Variants in CREB3L4 observed in about 807,000 individuals in gnomAD.
The protein encoded by CREB3L4 is cyclic AMP-responsive element-binding protein 3-like protein 4.
In CREB3L4, 28 loss-of-function variants were observed where a neutral mutation model predicts 37.0. That is an observed-to-expected ratio of 0.76 (90% CI 0.56 to 1.04). The LOEUF is 1.04. Among genes scored for constraint, CREB3L4 ranks in the 50% least tolerant of loss-of-function variants. The pLI is 0.00. For missense variants in CREB3L4, 462 were observed against 486.0 expected (o/e 0.95, Z 0.46); for synonymous variants, 175 against 192.2 (o/e 0.91, Z 0.74).
chr1:153,972,321 C>T lies in CREB3L4; in HGVS notation c.544-423C>T, dbSNP rs375232486. ...GCCCCAGGGAGCTCCCTGAGGTTGA[C>T]GGGCAACTGGATAACACACTCTGCT... is the stretch of plus-strand genomic sequence containing the variant. On this transcript the variant is annotated intron_variant, in intron 4 of 9. Transcript: ENST00000368607. Among the ~76,000 whole-genome samples, 24 of 152,272 alleles carry T rather than the reference C, an allele frequency of 1.6e-4. No individual in the cohort carries two copies. The East Asian group carries it at 1.9e-3, about 12-fold the overall frequency.
At position 153,968,613 on chromosome 1, in the gene CREB3L4, C is replaced by A; in HGVS notation, c.88C>A (p.Leu30Ile). ...GACAGGATCCGTCCTGGAGCTGGGACTCCACTGCCCCCCTCCAGAGGTTCC... is the reference window on the plus strand; with the variant it reads ...GACAGGATCCGTCCTGGAGCTGGGAATCCACTGCCCCCCTCCAGAGGTTCC... ...FSTGSVLELG[L>I]HCPPPEVPVT... Residue 30 changes from leucine (L) to isoleucine (I), a missense_variant, in exon 2 of 10, where the codon CTC (leucine) becomes ATC (isoleucine). Coordinates refer to ENST00000368607, the MANE Select transcript of CREB3L4 (RefSeq NM_001255978.2). 1 of 1,614,074 alleles carries A rather than the reference C, an allele frequency of 6.2e-7. No individual in the cohort carries two copies. The highest frequency in any genetic ancestry group is 8.5e-7 in the Non-Finnish European group (1 of 1,179,994).
At chr1:153,973,285 G>A (rs201350476) in intron 7 of CREB3L4, 22 bp downstream of exon 7, 3 of 1,613,522 alleles carry the variant, frequency 1.9e-6, no homozygotes, top group Admixed American at 1.7e-5. Context: ...CATTGTGTGT[G>A]TATGTGTGTT....
intron 4 of CREB3L4, among the ~76,000 whole-genome samples, chr1:153,970,032 G>A (rs946282203): frequency 4.0e-5 from 6 of 148,616 alleles, no homozygotes; most frequent in South Asian, 2.2e-4. Context: ...GGGTTCAAGC[G>A]ATTCTCCTGC....
intron 2 of CREB3L4, 107 bp from the exon 3 acceptor site, chr1:153,968,823 T>G: frequency 6.6e-7 from 1 of 1,524,204 alleles, no homozygotes; most frequent in Non-Finnish European, 8.9e-7. Context: ...AGTTGTATAA[T>G]AACTGTCTCC....
rs559783444 is a variant in CREB3L4 at position 153,972,060 on chromosome 1, T to C, written c.544-684T>C. On this transcript the variant is annotated intron_variant, in intron 4 of 9. Coordinates refer to ENST00000368607, the MANE Select transcript of CREB3L4 (RefSeq NM_001255978.2). ...CTGGTCTTGAACTTCTGACCTCAGG[T>C]GATCTGCCCACCTTGGCCTCCTAAA... 1.6e-3 allele frequency among the ~76,000 whole-genome samples: 243 copies of C among 152,296 alleles called. 1 individual carries two copies. The highest frequency in any genetic ancestry group is 2.6e-3 in the Non-Finnish European group (180 of 68,032).
In CREB3L4 at chr1:153,973,025, A is replaced by G; in HGVS notation, c.690A>G (p.Ser230=). 1.2e-6 allele frequency: 2 copies of G among 1,614,198 alleles called. No individual in the cohort carries two copies. The highest frequency in any genetic ancestry group is 1.7e-6 in the Non-Finnish European group (2 of 1,180,038). ...GGAGGAAAATCCGTAACAAGCAGTC[A>G]GCTCAGGACAGTCGGCGGCGGAAGA... ...KVRRKIRNKQ[S]AQDSRRRKKE... is the part of the protein sequence containing the mutation. Residue 230 remains serine, a synonymous_variant, in exon 6 of 10, where the codon TCA becomes TCG. Coordinates refer to ENST00000368607, the MANE Select transcript of CREB3L4 (RefSeq NM_001255978.2).
intron 4 of CREB3L4, among the ~76,000 whole-genome samples, chr1:153,970,386 T>A (rs887086751): frequency 3.3e-5 from 5 of 152,186 alleles, no homozygotes; most frequent in Non-Finnish European, 5.9e-5. Flanking sequence ...AGAGCCATTA[T>A]CTCAGCCTTG....
In CREB3L4 at chr1:153,973,213, A is replaced by G. The variant is rs754692854; in HGVS notation, c.762A>G (p.Ala254=). 1.9e-6 allele frequency: 3 copies of G among 1,614,096 alleles called. No homozygotes were observed. Among genetic ancestry groups the G allele is most frequent in the Non-Finnish European group, 2.5e-6 (3 of 1,180,020 alleles). ...GLESRVAACS[A]QNQELQKKVQ... The stretch of plus-strand genomic sequence containing the variant: ...ATTCTAGGGTGGCAGCCTGTTCTGC[A>G]CAGAACCAAGAATTACAGAAAAAAG... Residue 254 remains alanine, a synonymous_variant, in exon 7 of 10, where the codon GCA becomes GCG. Coordinates refer to ENST00000368607, the MANE Select transcript of CREB3L4 (RefSeq NM_001255978.2).
Position 153,973,925 on chromosome 1 carries a change from CA to C in CREB3L4, c.1050del (p.Val351TrpfsTer2), listed in dbSNP as rs1051443919. Reference protein sequence around the residue: ...HKDVTENLETQVVESRLREPP... With the variant: ...HKDVTENLETXVVESRLREPP... ...GGACGTAACAGAAAATCTGGAGACC[CA>C]AGTGGTAGAGTCCAGACTGAGGGAG... is the stretch of plus-strand genomic sequence containing the variant. On this transcript the variant is annotated frameshift_variant, in exon 10 of 10. Transcript: ENST00000368607. LOFTEE classifies it low-confidence loss of function (END_TRUNC). 12 of 1,614,014 alleles carry C rather than the reference CA, an allele frequency of 7.4e-6. No homozygotes were observed. Among genetic ancestry groups the C allele is most frequent in the Non-Finnish European group, 4.2e-6 (5 of 1,180,020 alleles).
chr1:153,970,458 G>A lies in CREB3L4; in HGVS notation c.543+1003G>A, dbSNP rs555278141. Among the ~76,000 whole-genome samples the A allele has an allele frequency of 2.0e-4, 31 of 152,334 alleles. 1 individual carries two copies. The South Asian group carries it at 6.4e-3, about 32-fold the overall frequency. ...TCCCAACTGGTTATAGGTACAGGAA[G>A]AAAGAAAAGCAATAGCAGCAATGTT... On this transcript the variant is annotated intron_variant, in intron 4 of 9. Transcript: ENST00000368607.
chr1:153,968,901 C>A, intron 2 of CREB3L4, 29 bp from the exon 3 acceptor site: 1 of 1,574,172 alleles, frequency 6.4e-7, no homozygotes, highest in Non-Finnish European at 8.6e-7. Flanking sequence ...TTCTTCCCTG[C>A]ACATATATAT....
Position 153,968,868 on chromosome 1 carries a change from T to A in CREB3L4, c.175-62T>A, listed in dbSNP as rs576653821. On this transcript the variant is annotated intron_variant, in intron 2 of 9. Transcript: ENST00000368607. ...AAGTGAAAGGACTGAAAATGAAGCA[T>A]AAGTCAGGGAGGACTTCCAAAATTC... The A allele has an allele frequency of 3.9e-6, 6 of 1,545,280 alleles. No homozygotes were observed. In the Admixed American group the frequency reaches 7.6e-5, roughly 20 times the overall value.
In CREB3L4 at chr1:153,972,788, G is replaced by A; in HGVS notation, c.588G>A (p.Leu196=). The change falls in exon 5 of 10, where the codon CTG becomes CTA. Residue 196 remains leucine, a synonymous_variant. Coordinates refer to ENST00000368607, the MANE Select transcript of CREB3L4 (RefSeq NM_001255978.2). ...TCCTGACCGATGAGGAGAAGCGTCT[G>A]CTGGGGCAGGAAGGGGTTTCCCTGC... is the stretch of plus-strand genomic sequence containing the variant. The part of the protein sequence containing the change: ...TLFLTDEEKR[L]LGQEGVSLPS... 1 of 1,613,956 alleles carries A rather than the reference G, an allele frequency of 6.2e-7. No homozygotes were observed. Among genetic ancestry groups the A allele is most frequent in the Non-Finnish European group, 8.5e-7 (1 of 1,179,996 alleles).
chr1:153,973,439 C>T lies in CREB3L4; in HGVS notation c.872C>T (p.Ala291Val), dbSNP rs779918976. 6.2e-7 allele frequency: 1 copy of T among 1,614,148 alleles called. No individual in the cohort carries two copies. Among genetic ancestry groups the T allele is most frequent in the East Asian group, 2.2e-5 (1 of 44,882 alleles). The change falls in exon 8 of 10, where the codon GCT becomes GTT. Residue 291 changes from alanine (A) to valine (V), a missense_variant. Transcript: ENST00000368607. ...CTAATTGCTCAAACTTCCAACAAAG[C>T]TGCCCAGACCAGCACTTGTGTTTTG... is the stretch of plus-strand genomic sequence containing the variant. ...QTLIAQTSNK[A>V]AQTSTCVLIL...
At chr1:153,971,926 G>A (rs765179287) in intron 4 of CREB3L4, among the ~76,000 whole-genome samples, 37 of 151,996 alleles carry the variant, frequency 2.4e-4, no homozygotes, top group Non-Finnish European at 2.9e-4. Context: ...GGGTTCAAGC[G>A]ATTCTCCTGC....
At position 153,973,921 on chromosome 1, in the gene CREB3L4, G is replaced by A; in HGVS notation, c.1044G>A (p.Glu348=). The change falls in exon 10 of 10, where the codon GAG becomes GAA. Residue 348 remains glutamate (E), a synonymous_variant. Coordinates refer to ENST00000368607, the MANE Select transcript of CREB3L4 (RefSeq NM_001255978.2). ...ACAAGGACGTAACAGAAAATCTGGA[G>A]ACCCAAGTGGTAGAGTCCAGACTGA... ...LTHKDVTENL[E]TQVVESRLRE... The A allele has an allele frequency of 6.2e-7, 1 of 1,614,208 alleles. No individual in the cohort carries two copies. Among genetic ancestry groups the A allele is most frequent in the Non-Finnish European group, 8.5e-7 (1 of 1,180,050 alleles).
At chr1:153,968,862 G>A in intron 2 of CREB3L4, 68 bp from the exon 3 acceptor site, 1 of 1,538,992 alleles carries the variant, frequency 6.5e-7, no homozygotes, top group Non-Finnish European at 8.8e-7. Flanking sequence ...GACTGAAAAT[G>A]AAGCATAAGT....
At chr1:153,971,488 C>T (rs1467953199) in intron 4 of CREB3L4, among the ~76,000 whole-genome samples, 3 of 151,744 alleles carry the variant, frequency 2.0e-5, no homozygotes, top group East Asian at 1.9e-4. Context: ...AGGTTGGTCT[C>T]GAACTCCTAG....
chr1:153,972,665 G>A (rs536761209), intron 4 of CREB3L4, 79 bp from the exon 5 acceptor site: 1 of 1,122,448 alleles, frequency 8.9e-7, no homozygotes. Flanking sequence ...GAAGGCATGT[G>A]GGGGGAGTAG....
Sources: gnomAD v4.1 joint callset for allele counts (sites outside exome capture counted in the v4.1 genomes callset) on GRCh38, gnomAD v4.1.1 for gene constraint, MANE v1.5 for transcripts, NCBI Gene and HGNC (gene_info 2026-07-23, HGNC 2026-07-21) for gene names.